The following DNAH5 variants were observed in gnomAD, a reference collection of about 807,000 sequenced individuals.
DNAH5 encodes dynein axonemal heavy chain 5, also known as axonemal beta dynein heavy chain 5.
DNAH5 carries 372 observed loss-of-function variants against 518.2 expected under a neutral mutation model. That is an observed-to-expected ratio of 0.72 (90% CI 0.66 to 0.78). The LOEUF (loss-of-function observed/expected upper bound fraction) is 0.78, where lower values mean the gene tolerates loss of function less well. DNAH5 is among the 30% of genes least tolerant of loss of function. DNAH5 has a pLI of 0.00. For missense variants in DNAH5, 5,523 were observed against 5,687.0 expected, an observed-to-expected ratio of 0.97 and a Z score of 0.93; for synonymous variants, 2,039 against 2,025.9, an observed-to-expected ratio of 1.01 and a Z score of -0.17.
intron 1 of DNAH5, chr5:13,932,489 A>C (rs1778519660): frequency 6.6e-6 from 1 of 152,230 alleles, no homozygotes; most frequent in South Asian, 2.1e-4. Flanking sequence ...GCACATTCTG[A>C]AAACCACAAG....
chr5:13,863,850 C>G (rs996091773), intron 28 of DNAH5, among the ~76,000 whole-genome samples: 1 of 152,228 alleles, frequency 6.6e-6, no homozygotes, highest in African/African-American at 2.4e-5. Context: ...CTCCACCTCC[C>G]TGGCCTCTGC....
At chr5:13,766,713 C>T (rs189362048) in intron 58 of DNAH5, among the ~76,000 whole-genome samples, 1 of 152,196 alleles carries the variant, frequency 6.6e-6, no homozygotes, top group Non-Finnish European at 1.5e-5. Flanking sequence ...GGGACTTGAG[C>T]AATAAGAATT....
Position 13,770,978 on chromosome 5 carries a change from A to G in DNAH5, c.9376T>C (p.Ser3126Pro), listed in dbSNP as rs1312186884. The G allele has an allele frequency of 1.2e-6, 2 of 1,606,124 alleles. No homozygotes were observed. Among genetic ancestry groups the G allele is most frequent in the Non-Finnish European group, 1.7e-6 (2 of 1,172,996 alleles). The stretch of plus-strand genomic sequence containing the variant: ...TCATAGGAAGTGAGGAAGTGTTCAG[A>G]CACTAGAGAGAATAAAGATGACAGT... ...RWPKDALVAV[S>P]EHFLTSYDID... The change falls in exon 56 of 79, where the codon TCT becomes CCT. Residue 3126 changes from serine to proline, a missense_variant and splice_region_variant. Ser to Pro is a moderately conservative substitution (Grantham distance 74, BLOSUM62 -1). Transcript: ENST00000265104.
At chr5:13,973,794 G>A (rs751902455) in intron 1 of DNAH5, among the ~76,000 whole-genome samples, 3 of 151,082 alleles carry the variant, frequency 2.0e-5, no homozygotes, top group African/African-American at 7.3e-5. Flanking sequence ...TCTCGTGTGC[G>A]AATGCCCGAT....
chr5:13,889,352 G>A (rs1772870850), intron 17 of DNAH5, among the ~76,000 whole-genome samples: 1 of 152,182 alleles, frequency 6.6e-6, no homozygotes, highest in African/African-American at 2.4e-5. Flanking sequence ...GTGAATGTGA[G>A]GAGGAGGGAC....
At chr5:13,919,640 C>T (rs982500691) in intron 6 of DNAH5, among the ~76,000 whole-genome samples, 4 of 151,830 alleles carry the variant, frequency 2.6e-5, no homozygotes, top group Non-Finnish European at 5.9e-5. Context: ...ATACTTTTTT[C>T]TTTTATTGAT....
chr5:13,977,475 A>C (rs1782344975), intron 1 of DNAH5, among the ~76,000 whole-genome samples: 1 of 99,658 alleles, frequency 1.0e-5, no homozygotes, highest in East Asian at 3.8e-4. Context: ...TGGGAAGTCC[A>C]AGATCCTCTG....
intron 71 of DNAH5, 54 bp downstream of exon 71, chr5:13,720,946 T>C: frequency 6.2e-7 from 1 of 1,613,200 alleles, no homozygotes; most frequent in South Asian, 1.1e-5. Flanking sequence ...GCATTGCTAT[T>C]CTATAACCTG....
chr5:13,922,008 T>C (rs1159339593), intron 5 of DNAH5, 99 bp downstream of exon 5: 5 of 1,292,962 alleles, frequency 3.9e-6, no homozygotes, highest in African/African-American at 1.5e-5. Context: ...AACTGAAACA[T>C]AGAGGAATTA....
chr5:13,943,426 T>G (rs1174767925), intron 1 of DNAH5, among the ~76,000 whole-genome samples: 1 of 152,166 alleles, frequency 6.6e-6, no homozygotes, highest in Non-Finnish European at 1.5e-5. Context: ...AACTCACACC[T>G]CCTCCTCAAA....
chr5:13,786,085 T>G, intron 52 of DNAH5, 94 bp downstream of exon 52: 1 of 1,282,142 alleles, frequency 7.8e-7, no homozygotes, highest in Non-Finnish European at 1.1e-6. Flanking sequence ...CTGAAGATTC[T>G]CCTAGGAAAT....
At chr5:13,702,570 A>G (rs1169111487) in intron 76 of DNAH5, among the ~76,000 whole-genome samples, 3 of 152,146 alleles carry the variant, frequency 2.0e-5, no homozygotes, top group African/African-American at 7.2e-5. Context: ...GGAACTCCCA[A>G]TGGCCACTGA....
At chr5:13,740,659 TC>T (rs993737891) in intron 65 of DNAH5, among the ~76,000 whole-genome samples, 2 of 152,198 alleles carry the variant, frequency 1.3e-5, no homozygotes, top group Non-Finnish European at 2.9e-5. Context: ...AGACTCACTG[TC>T]TTAAACACAC....
intron 21 of DNAH5, among the ~76,000 whole-genome samples, chr5:13,882,336 A>G (rs1413280082): frequency 6.6e-6 from 1 of 150,878 alleles, no homozygotes; most frequent in African/African-American, 2.4e-5. Context: ...TACCAAAGCT[A>G]GACACATACA....
chr5:13,846,871 T>C (rs1203534552), intron 31 of DNAH5, among the ~76,000 whole-genome samples: 1 of 152,234 alleles, frequency 6.6e-6, no homozygotes, highest in Non-Finnish European at 1.5e-5. Flanking sequence ...TTATAATGTT[T>C]ACTTTTGTTT....
At position 13,751,295 on chromosome 5, in the gene DNAH5, TAG is replaced by T. The variant is rs776565979; in HGVS notation, c.11029-37_11029-36del. ...AAAAAGAAATTTAAAAGTAATAAAA[TAG>T]AGATATACCTTACTGTGTCTTTTTT... On this transcript the variant is annotated intron_variant, in intron 64 of 78. Transcript: ENST00000265104. The T allele has an allele frequency of 6.4e-5, 97 of 1,524,064 alleles. 2 individuals are homozygous for T. Among genetic ancestry groups the T allele is most frequent in the Admixed American group, 1.3e-4 (7 of 55,040 alleles). The allele number at this position is 1,524,064 out of a possible 1,614,324, so 94.4% of individuals were successfully genotyped here.
Position 13,809,205 on chromosome 5 carries a change from A to G in DNAH5, c.7610-19T>C, listed in dbSNP as rs1226455995. 1.9e-6 allele frequency: 3 copies of G among 1,613,864 alleles called. No homozygotes were observed. Among genetic ancestry groups the G allele is most frequent in the East Asian group, 2.2e-5 (1 of 44,862 alleles). The stretch of plus-strand genomic sequence containing the variant: ...CATGTACCTAAGGTGAGCAGAGGAC[A>G]TTTCCATCTCCATATTAATAATTCA... On this transcript the variant is annotated intron_variant, in intron 45 of 78. Coordinates refer to ENST00000265104, the MANE Select transcript of DNAH5 (RefSeq NM_001369.3).
chr5:13,812,140 G>A (rs1485339053), intron 43 of DNAH5, among the ~76,000 whole-genome samples: 2 of 152,032 alleles, frequency 1.3e-5, no homozygotes, highest in African/African-American at 4.8e-5. Context: ...AGAAAGCCTG[G>A]GCCTACATGT....
chr5:13,844,123 C>A (rs574900826), intron 32 of DNAH5, among the ~76,000 whole-genome samples: 1 of 152,324 alleles, frequency 6.6e-6, no homozygotes, highest in Admixed American at 6.5e-5. Flanking sequence ...TCTCCTCCAC[C>A]ACAGCACAAG....
Sources: gnomAD v4.1 joint callset for allele counts (sites outside exome capture counted in the v4.1 genomes callset) on GRCh38, gnomAD v4.1.1 for gene constraint, MANE v1.5 for transcripts, NCBI Gene and HGNC (gene_info 2026-07-23, HGNC 2026-07-21) for gene names.